F8: variants seen among roughly 807,000 people sequenced by gnomAD.
F8 encodes coagulation factor VIII.
In F8, 12 loss-of-function variants were observed where a neutral mutation model predicts 140.6. That is an observed-to-expected ratio of 0.09 (90% CI 0.05 to 0.14). The LOEUF (loss-of-function observed/expected upper bound fraction) is 0.14, where lower values mean the gene tolerates loss of function less well. Among genes scored for constraint, F8 ranks in the 10% least tolerant of loss-of-function variants. F8 has a pLI of 1.00. For missense variants in F8, 1,354 were observed against 1,720.7 expected, an observed-to-expected ratio of 0.79 and a Z score of 3.77; for synonymous variants, 585 against 614.6, an observed-to-expected ratio of 0.95 and a Z score of 0.71.
chrX:154,915,809 C>T (rs1386792904), intron 14 of F8, among the ~76,000 whole-genome samples: 1 of 111,602 alleles, frequency 9.0e-6, no homozygotes, highest in African/African-American at 3.3e-5. Flanking sequence ...AGGCCCTTTG[C>T]TTAATTGCTC....
chrX:154,937,501 T>C (rs2073231173), intron 13 of F8, among the ~76,000 whole-genome samples: 1 of 109,634 alleles, frequency 9.1e-6, no homozygotes, highest in Admixed American at 9.9e-5. Context: ...GCGATAAACT[T>C]AAAATAGATA....
intron 22 of F8, chrX:154,887,150 TG>T: frequency 3.1e-6 from 1 of 318,906 alleles, no homozygotes; most frequent in Non-Finnish European, 4.7e-6. Flanking sequence ...CCCGCCGCCC[TG>T]GGCGCCTTCT....
intron 14 of F8, among the ~76,000 whole-genome samples, chrX:154,914,425 TTTC>T: frequency 8.9e-6 from 1 of 112,727 alleles, no homozygotes; most frequent in South Asian, 3.7e-4. Flanking sequence ...GGGTTTGTCT[TTTC>T]TACTGCATCA....
intron 22 of F8, among the ~76,000 whole-genome samples, chrX:154,865,824 T>C (rs1303914784): frequency 9.1e-6 from 1 of 110,491 alleles, no homozygotes; most frequent in East Asian, 2.8e-4. Flanking sequence ...CAGAAAACTA[T>C]TAACAGAATG....
intron 14 of F8, chrX:154,920,073 C>T (rs781973544): frequency 3.0e-5 from 5 of 164,216 alleles, no homozygotes; most frequent in Non-Finnish European, 6.6e-5. Flanking sequence ...CTCATTGCAA[C>T]ACAAGCAAAT....
chrX:154,973,965 A>ATGTGTG (rs782207804), intron 6 of F8, among the ~76,000 whole-genome samples: 4 of 103,416 alleles, frequency 3.9e-5, no homozygotes, highest in Admixed American at 1.0e-4. Context: ...TCTGGCTAGC[A>ATGTGTG]TGTGTGTGTG....
At chrX:155,018,492 G>GA (rs1161307086) in intron 1 of F8, among the ~76,000 whole-genome samples, 157 of 87,388 alleles carry the variant, frequency 1.8e-3, no homozygotes, top group Non-Finnish European at 1.7e-3. Context: ...ATACCAACTA[G>GA]AAAAAAAAAA....
intron 6 of F8, among the ~76,000 whole-genome samples, chrX:154,969,893 C>G (rs2073446917): frequency 8.9e-6 from 1 of 111,868 alleles, no homozygotes; most frequent in South Asian, 3.8e-4. Flanking sequence ...TCTGTCTCCC[C>G]TGCTGACCTC....
chrX:154,955,365 C>T (rs1386170906), intron 11 of F8, among the ~76,000 whole-genome samples: 2 of 88,134 alleles, frequency 2.3e-5, no homozygotes, highest in Non-Finnish European at 2.1e-5. Context: ...TACTATTTTG[C>T]CCAGGATGGT....
In F8 at chrX:154,929,670, T is replaced by C. The variant is rs370273692; in HGVS notation, c.4120A>G (p.Ile1374Val). Residue 1374 changes from isoleucine to valine, a missense_variant, in exon 14 of 26, where the codon ATA (isoleucine) becomes GTA (valine). Ile to Val is a conservative substitution (Grantham distance 29). Transcript: ENST00000360256. ...CCTTTCTCCTTCTCATTGTAGTCTA[T>C]CTGTGTGAGGGTGCTCGGGGTCAAA... ...KHLTPSTLTQ[I>V]DYNEKEKGAI... 4 of 1,209,965 alleles carry C rather than the reference T, an allele frequency of 3.3e-6. No homozygotes were observed. The highest frequency in any genetic ancestry group is 2.2e-5 in the Admixed American group (1 of 45,857).
At position 154,962,404 on chromosome X, in the gene F8, A is replaced by C. The variant is rs141173515; in HGVS notation, c.1444-1236T>G. On this transcript the variant is annotated intron_variant, in intron 9 of 25. Coordinates refer to ENST00000360256, the MANE Select transcript of F8 (RefSeq NM_000132.4). ...TGAAATTTAGATGCCTGGTGAGGAC[A>C]CTGCTTCCTCTCAGCCTTTATTACT... is the stretch of plus-strand genomic sequence containing the variant. Among the ~76,000 whole-genome samples, 628 of 112,492 alleles carry C rather than the reference A, an allele frequency of 5.6e-3. 3 individuals carry two copies. The highest frequency in any genetic ancestry group is 9.2e-3 in the Middle Eastern group (2 of 218).
rs1557280445 is a variant in F8, at chrX:154,947,921, G to A, written c.1904-14C>T. 37 of 1,169,682 alleles carry A rather than the reference G, an allele frequency of 3.2e-5. No homozygotes were observed. The highest frequency in any genetic ancestry group is 4.0e-5 in the Non-Finnish European group (34 of 857,559). On this transcript the variant is annotated splice_polypyrimidine_tract_variant and intron_variant, in intron 12 of 25. Coordinates refer to ENST00000360256, the MANE Select transcript of F8 (RefSeq NM_000132.4). ...AGCCATTGATGCCTGCAAAAACAAT[G>A]GGGAAAAGAGATTTAGACACATCAC...
intron 7 of F8, among the ~76,000 whole-genome samples, chrX:154,968,946 CAA>C (rs781844406): frequency 1.0e-5 from 1 of 97,966 alleles, no homozygotes; most frequent in African/African-American, 3.7e-5. Flanking sequence ...TAGATTTCTC[CAA>C]AAAAAAAAAA....
At chrX:154,850,892 T>C (rs1557272114) in intron 25 of F8, among the ~76,000 whole-genome samples, 1 of 112,349 alleles carries the variant, frequency 8.9e-6, no homozygotes, top group African/African-American at 3.2e-5. Context: ...ACTTATCTAT[T>C]GCAAAATTCG....
At chrX:154,962,242 T>A (rs1280886071) in intron 9 of F8, among the ~76,000 whole-genome samples, 1 of 111,860 alleles carries the variant, frequency 8.9e-6, no homozygotes, top group Non-Finnish European at 1.9e-5. Flanking sequence ...CACTCCAAAT[T>A]TACAAACTTA....
chrX:154,921,711 G>C (rs1158611909), intron 14 of F8, among the ~76,000 whole-genome samples: 1 of 111,592 alleles, frequency 9.0e-6, no homozygotes, highest in African/African-American at 3.3e-5. Flanking sequence ...AAAAAAGGAT[G>C]AGTTCATGTC....
At chrX:155,004,965 T>C (rs1330498356) in intron 1 of F8, among the ~76,000 whole-genome samples, 2 of 111,693 alleles carry the variant, frequency 1.8e-5, no homozygotes, top group African/African-American at 3.3e-5. Context: ...GTAAAATATA[T>C]GGTTTTGGAA....
chrX:154,998,349 C>G (rs1423767286), intron 2 of F8, among the ~76,000 whole-genome samples: 3 of 113,246 alleles, frequency 2.6e-5, no homozygotes, highest in African/African-American at 9.6e-5. Flanking sequence ...CCCCAACTCA[C>G]CTTTGTGTCT....
intron 6 of F8, among the ~76,000 whole-genome samples, chrX:154,980,738 G>C (rs1249046945): frequency 1.8e-5 from 2 of 111,286 alleles, no homozygotes; most frequent in Non-Finnish European, 3.8e-5. Flanking sequence ...CTGGAGGATT[G>C]CTTTAGGTCA....
Sources: gnomAD v4.1 joint callset for allele counts (sites outside exome capture counted in the v4.1 genomes callset) on GRCh38, gnomAD v4.1.1 for gene constraint, MANE v1.5 for transcripts, NCBI Gene and HGNC (gene_info 2026-07-23, HGNC 2026-07-21) for gene names.